CNIH3: variants seen among roughly 807,000 people sequenced by gnomAD.
CNIH3 encodes the protein protein cornichon homolog 3.
CNIH3 carries 14 observed loss-of-function variants against 24.1 expected under a neutral mutation model. The observed-to-expected ratio is 0.58, with a 90% CI of 0.38 to 0.91. CNIH3 has a LOEUF of 0.91. CNIH3 is among the 40% of genes least tolerant of loss of function. The pLI is 0.00. For synonymous variants in CNIH3, 68 were observed against 73.8 expected (o/e 0.92, Z 0.40); for missense variants, 178 against 196.8 (o/e 0.90, Z 0.57).
upstream of CNIH3, among the ~76,000 whole-genome samples, chr1:224,514,486 A>G (rs1678298526): frequency 6.6e-6 from 1 of 152,232 alleles, no homozygotes; most frequent in African/African-American, 2.4e-5. Context: ...AAAGACCACC[A>G]TCATAAATGG....
chr1:224,466,025 T>C (rs1676140434), intron 1 of CNIH3, among the ~76,000 whole-genome samples: 1 of 151,974 alleles, frequency 6.6e-6, no homozygotes, highest in Non-Finnish European at 1.5e-5. Context: ...TGAAACTCCT[T>C]CTCAAAAAAA....
intron 3 of CNIH3, among the ~76,000 whole-genome samples, chr1:224,602,438 A>ATC (rs1309173100): frequency 6.6e-6 from 1 of 152,122 alleles, no homozygotes; most frequent in Non-Finnish European, 1.5e-5. Context: ...TCTGAAATTG[A>ATC]TCTTTTGATT....
At chr1:224,644,592 C>T (rs1252044590) in intron 1 of CNIH3, among the ~76,000 whole-genome samples, 2 of 152,126 alleles carry the variant, frequency 1.3e-5, no homozygotes, top group African/African-American at 2.4e-5. Flanking sequence ...CCCTATGACC[C>T]TTATACCTTT....
At chr1:224,625,940 A>AT (rs71792467) in intron 1 of CNIH3, among the ~76,000 whole-genome samples, 16,213 of 149,180 alleles carry the variant, frequency 0.11, 953 homozygotes, top group South Asian at 0.25. Flanking sequence ...TGTAATACCC[A>AT]TTTTTTTTTT....
intron 3 of CNIH3, among the ~76,000 whole-genome samples, chr1:224,729,813 C>G (rs1460110165): frequency 6.6e-6 from 1 of 152,136 alleles, no homozygotes; most frequent in African/African-American, 2.4e-5. Flanking sequence ...TCACACTTCC[C>G]ACCATCAGGC....
At chr1:224,578,968 T>G (rs998519819) in intron 4 of CNIH3, among the ~76,000 whole-genome samples, 1 of 152,190 alleles carries the variant, frequency 6.6e-6, no homozygotes, top group African/African-American at 2.4e-5. Context: ...AATTATTTCT[T>G]TGTCGATGTC....
At chr1:224,723,751 C>T (rs567011929) in intron 3 of CNIH3, among the ~76,000 whole-genome samples, 31 of 152,310 alleles carry the variant, frequency 2.0e-4, no homozygotes, top group African/African-American at 7.5e-4. Flanking sequence ...GGCCCAGGCC[C>T]CAGTGGTCAG....
At chr1:224,616,031 C>G (rs567627181), upstream of CNIH3, 1 of 152,826 alleles carries the variant, frequency 6.5e-6, no homozygotes, top group African/African-American at 2.4e-5. Flanking sequence ...CTCCTCCAGA[C>G]GCACGTGTTT....
chr1:224,578,349 G>T (rs1323295991), intron 4 of CNIH3, among the ~76,000 whole-genome samples: 1 of 152,098 alleles, frequency 6.6e-6, no homozygotes, highest in African/African-American at 2.4e-5. Context: ...AACACATTAG[G>T]TATTTCCAAC....
chr1:224,739,635 C>T lies in CNIH3; in HGVS notation c.*279C>T, dbSNP rs1477394144. ...ATCAGTGGTGTGGGGGAGTAGGTGACGAAACACTAGACCTCTCCTGAGAGA... is the reference window on the plus strand; with the variant it reads ...ATCAGTGGTGTGGGGGAGTAGGTGATGAAACACTAGACCTCTCCTGAGAGA... On this transcript the variant is annotated 3_prime_UTR_variant, in exon 6 of 6. Coordinates refer to ENST00000272133, the MANE Select transcript of CNIH3 (RefSeq NM_152495.2). The T allele has an allele frequency of 1.3e-5, 7 of 535,486 alleles. No individual in the cohort carries two copies. Among genetic ancestry groups the T allele is most frequent in the South Asian group, 5.7e-5 (2 of 35,368 alleles). 33.2% of individuals were successfully genotyped at this position (535,486 alleles called of 1,614,324 possible).
chr1:224,499,478 C>T (rs1275252639), intron 1 of CNIH3, among the ~76,000 whole-genome samples: 4 of 152,086 alleles, frequency 2.6e-5, no homozygotes, highest in African/African-American at 9.7e-5. Flanking sequence ...CTTCTAATCC[C>T]TCTCCCTTCC....
At chr1:224,707,774 C>T (rs938477625) in intron 3 of CNIH3, among the ~76,000 whole-genome samples, 7 of 152,236 alleles carry the variant, frequency 4.6e-5, no homozygotes, top group Non-Finnish European at 1.0e-4. Context: ...TCAGACCTGG[C>T]AGGCTGTACC....
In CNIH3 at chr1:224,739,457, C is replaced by A; in HGVS notation, c.*101C>A. On this transcript the variant is annotated 3_prime_UTR_variant, in exon 6 of 6. Transcript: ENST00000272133. ...TGGAGGAGGGACCAGAATGAGGATA[C>A]GTGAGAAATAGACCCGGCAGGCAGT... 6.4e-7 allele frequency: 1 copy of A among 1,567,982 alleles called. No individual in the cohort carries two copies. The highest frequency in any genetic ancestry group is 8.6e-7 in the Non-Finnish European group (1 of 1,162,614).
intron 1 of CNIH3, among the ~76,000 whole-genome samples, chr1:224,481,153 T>G (rs1196278636): frequency 6.6e-6 from 1 of 152,214 alleles, no homozygotes; most frequent in African/African-American, 2.4e-5. Flanking sequence ...AAACTCCTCC[T>G]TATCATAACC....
intron 1 of CNIH3, among the ~76,000 whole-genome samples, chr1:224,669,129 A>G: frequency 6.6e-6 from 1 of 152,040 alleles, no homozygotes; most frequent in Non-Finnish European, 1.5e-5. Flanking sequence ...GGAGTTGAGG[A>G]CGGCTGTGCT....
At chr1:224,452,828 C>T (rs974226771) in intron 1 of CNIH3, among the ~76,000 whole-genome samples, 6 of 135,356 alleles carry the variant, frequency 4.4e-5, no homozygotes, top group Non-Finnish European at 7.8e-5. Context: ...AAGAAGATAG[C>T]TTAAGATTAT....
rs1032409494 is a variant in CNIH3, at chr1:224,616,643, G to T, written c.-532G>T. The T allele has an allele frequency of 2.0e-6, 2 of 987,794 alleles. No homozygotes were observed. Among genetic ancestry groups the T allele is most frequent in the African/African-American group, 3.5e-5 (2 of 57,274 alleles). The allele number at this position is 987,794 out of a possible 1,614,324, so 61.2% of individuals were successfully genotyped here. A position where few individuals can be genotyped will look rare whatever the true frequency, so the allele number is the denominator to read the frequency against. ...TCGGGAAAGAGCGCTGCCCGGCTCTGGGATTTGGGAGGAGCTCGGAGGCCG... is the reference window on the plus strand; with the variant it reads ...TCGGGAAAGAGCGCTGCCCGGCTCTTGGATTTGGGAGGAGCTCGGAGGCCG... On this transcript the variant is annotated 5_prime_UTR_variant, in exon 1 of 6. Coordinates refer to ENST00000272133, the MANE Select transcript of CNIH3 (RefSeq NM_152495.2).
chr1:224,651,078 CACG>C (rs1684836897), intron 1 of CNIH3, among the ~76,000 whole-genome samples: 2 of 152,116 alleles, frequency 1.3e-5, no homozygotes, highest in Non-Finnish European at 2.9e-5. Context: ...CACACACACA[CACG>C]CACAAACACA....
intron 3 of CNIH3, among the ~76,000 whole-genome samples, chr1:224,728,260 G>A (rs926081192): frequency 1.3e-5 from 2 of 152,340 alleles, no homozygotes; most frequent in South Asian, 2.1e-4. Flanking sequence ...CGGGGCTGGC[G>A]CACCCAGCTC....
Sources: allele counts gnomAD v4.1 joint callset (sites outside exome capture counted in the v4.1 genomes callset), GRCh38; gene constraint gnomAD v4.1.1; transcripts MANE v1.5; gene names NCBI Gene and HGNC (gene_info 2026-07-23, HGNC 2026-07-21).